Variants in ZNF107 observed in about 807,000 individuals in gnomAD.
ZNF107 encodes C2H2 type zinc-finger protein.
Under a neutral mutation model 12.3 loss-of-function variants are expected in ZNF107, and 19 were observed. That is an observed-to-expected ratio of 1.55 (90% confidence interval 1.08 to 2.27). The LOEUF (loss-of-function observed/expected upper bound fraction) is 2.27. ZNF107 is among the 30% of genes most tolerant of loss of function. ZNF107 has a pLI of 0.00. For missense variants in ZNF107, 958 were observed against 979.9 expected, an observed-to-expected ratio of 0.98 and a Z score of 0.30; for synonymous variants, 317 against 330.5, an observed-to-expected ratio of 0.96 and a Z score of 0.44.
chr7:64,691,326 T>G lies in ZNF107; in HGVS notation c.82T>G (p.Leu28Val). ...ATGCCTGGATACTGCACAGCGGGAT[T>G]TATATAGGAATGTGTTGTTAGAGAA... Reference protein sequence around the residue: ...WQCLDTAQRDLYRNVLLENYR... With the variant: ...WQCLDTAQRDVYRNVLLENYR... Residue 28 changes from leucine to valine, a missense_variant, in exon 2 of 4, where the codon TTA (leucine) becomes GTA (valine). Physicochemically the swap from Leu to Val is conservative, Grantham distance 32. Coordinates refer to ENST00000620827, the MANE Select transcript of ZNF107 (RefSeq NM_001282359.2). 3 of 1,541,430 alleles carry G rather than the reference T, an allele frequency of 1.9e-6. No individual in the cohort carries two copies. Among genetic ancestry groups the G allele is most frequent in the Non-Finnish European group, 2.6e-6 (3 of 1,146,078 alleles).
Position 64,690,355 on chromosome 7 carries a change from C to T in ZNF107, c.4-893C>T, listed in dbSNP as rs75361816. Reference sequence around the variant, plus strand: ...AGTAATATATAGGGTTTACTCCCAGCTGCAGTTCTGTTCAGATTCACCCTT... The same window carrying T: ...AGTAATATATAGGGTTTACTCCCAGTTGCAGTTCTGTTCAGATTCACCCTT... On this transcript the variant is annotated intron_variant, in intron 1 of 3. Transcript: ENST00000620827. 4,629 of 983,154 alleles carry T rather than the reference C, an allele frequency of 4.7e-3. 130 individuals carry two copies. The African/African-American group carries it at 0.069, about 15-fold the overall frequency. The allele number at this position is 983,154 out of a possible 1,614,324, so 60.9% of individuals were successfully genotyped here.
chr7:64,675,992 C>T (rs1316200154), intron 1 of ZNF107, among the ~76,000 whole-genome samples: 2 of 152,124 alleles, frequency 1.3e-5, no homozygotes, highest in South Asian at 2.1e-4. Context: ...GCTGGGATTA[C>T]AGGCATGCAC....
Position 64,666,305 on chromosome 7 carries a change from C to T in ZNF107, c.3+20C>T. 6.2e-7 allele frequency: 1 copy of T among 1,608,938 alleles called. No individual in the cohort carries two copies. The highest frequency in any genetic ancestry group is 8.5e-7 in the Non-Finnish European group (1 of 1,176,956). On this transcript the variant is annotated intron_variant, in intron 1 of 3. Transcript: ENST00000620827. ...GAAATGGTGAGAGTGCTGGGTCCGA[C>T]ATCCCGAGAGAGGGGGAGGGGCTGG... is the stretch of plus-strand genomic sequence containing the variant.
intron 1 of ZNF107, among the ~76,000 whole-genome samples, chr7:64,679,939 A>T (rs967213667): frequency 6.6e-6 from 1 of 151,948 alleles, no homozygotes; most frequent in African/African-American, 2.4e-5. Context: ...TGTCCCGCCC[A>T]TCTGCTCCCC....
intron 3 of ZNF107, among the ~76,000 whole-genome samples, chr7:64,696,833 A>G (rs1007894056): frequency 6.6e-6 from 1 of 151,872 alleles, no homozygotes; most frequent in East Asian, 1.9e-4. Flanking sequence ...TTTATTTTTT[A>G]TTATACTTTG....
chr7:64,708,673 A>T lies in ZNF107; in HGVS notation c.*17A>T. 1.3e-6 allele frequency: 2 copies of T among 1,577,412 alleles called. No individual in the cohort carries two copies. Among genetic ancestry groups the T allele is most frequent in the East Asian group, 2.3e-5 (1 of 44,356 alleles). ...AAAACTTAATTGATCCTACAAGCTT[A>T]CTACACATAGGAAAATTCATACTGG... On this transcript the variant is annotated 3_prime_UTR_variant, in exon 4 of 4. Transcript: ENST00000620827.
chr7:64,690,750 C>CT lies in ZNF107; in HGVS notation c.4-488dup, dbSNP rs951554940. ...CTTTTATCCTATACATTTTTTTATT[C>CT]TTTTTTTTTTGAGACAGAGTCTCAC... is the stretch of plus-strand genomic sequence containing the variant. On this transcript the variant is annotated intron_variant, in intron 1 of 3. Coordinates refer to ENST00000620827, the MANE Select transcript of ZNF107 (RefSeq NM_001282359.2). Among the ~76,000 whole-genome samples the CT allele has an allele frequency of 1.1e-3, 157 of 148,540 alleles. 1 individual carries two copies. Among genetic ancestry groups the CT allele is most frequent in the East Asian group, 2.4e-3 (12 of 5,090 alleles).
intron 3 of ZNF107, among the ~76,000 whole-genome samples, chr7:64,695,553 A>G (rs1305366539): frequency 6.6e-6 from 1 of 152,174 alleles, no homozygotes; most frequent in East Asian, 1.9e-4. Flanking sequence ...ATTTTAGATA[A>G]TTTGCAATTC....
intron 3 of ZNF107, among the ~76,000 whole-genome samples, chr7:64,693,165 A>ATTTTTT (rs34734604): frequency 1.0e-4 from 11 of 110,118 alleles, no homozygotes; most frequent in Non-Finnish European, 1.1e-4. Context: ...CACTCAGCTA[A>ATTTTTT]TTTTTTTTTT....
rs554630224 is a variant in ZNF107, at chr7:64,708,122, A to G, written c.2025A>G (p.Lys675=). 5 of 1,612,406 alleles carry G rather than the reference A, an allele frequency of 3.1e-6. No individual in the cohort carries two copies. The African/African-American group carries it at 6.7e-5, about 22-fold the overall frequency. ...TNHKIIYTGE[K]PHKCEECGKA... is the part of the protein sequence containing the mutation. ...ATAAGATAATTTATACTGGAGAGAA[A>G]CCCCACAAATGTGAAGAATGTGGAA... Residue 675 remains lysine, a synonymous_variant, in exon 4 of 4, where the codon AAA becomes AAG. Coordinates refer to ENST00000620827, the MANE Select transcript of ZNF107 (RefSeq NM_001282359.2).
intron 3 of ZNF107, among the ~76,000 whole-genome samples, chr7:64,693,872 T>G (rs926894886): frequency 7.2e-5 from 11 of 152,094 alleles, no homozygotes; most frequent in African/African-American, 2.7e-4. Context: ...CACTGCAACC[T>G]TTGCCTCCCG....
chr7:64,690,986 C>T (rs1790097933), intron 1 of ZNF107, among the ~76,000 whole-genome samples: 1 of 152,086 alleles, frequency 6.6e-6, no homozygotes, highest in African/African-American at 2.4e-5. Context: ...AGGTGATCCG[C>T]CTCTGCCTCC....
chr7:64,677,914 T>A (rs1214790879), intron 1 of ZNF107, among the ~76,000 whole-genome samples: 1 of 150,606 alleles, frequency 6.6e-6, no homozygotes, highest in African/African-American at 2.4e-5. Flanking sequence ...GAGACCTGTC[T>A]GTTGTAGGAG....
At chr7:64,688,599 C>T (rs1441838609) in intron 1 of ZNF107, among the ~76,000 whole-genome samples, 2 of 152,120 alleles carry the variant, frequency 1.3e-5, no homozygotes, top group Non-Finnish European at 2.9e-5. Flanking sequence ...GTGTGGATGA[C>T]ACCTACTGCT....
chr7:64,673,935 T>TTTGTTG (rs139064149), intron 1 of ZNF107, among the ~76,000 whole-genome samples: 2 of 151,946 alleles, frequency 1.3e-5, no homozygotes, highest in Admixed American at 6.6e-5. Flanking sequence ...TGGTCTGTTT[T>TTTGTTG]TTGTTGTTGT....
chr7:64,671,869 C>T (rs555920622), intron 1 of ZNF107, among the ~76,000 whole-genome samples: 27 of 149,964 alleles, frequency 1.8e-4, no homozygotes, highest in Non-Finnish European at 3.2e-4. Context: ...GCAAGCTCTG[C>T]CTCCCGGGTT....
At position 64,711,041 on chromosome 7, in the gene ZNF107, G is replaced by A. The variant is rs1790871805; in HGVS notation, c.*2385G>A. ...GTGTTTAAAAATTTTTGGATTATGC[G>A]TGAACTTAGTTTTTTAATTAAACTT... On this transcript the variant is annotated 3_prime_UTR_variant, in exon 4 of 4. Coordinates refer to ENST00000620827, the MANE Select transcript of ZNF107 (RefSeq NM_001282359.2). The A allele has an allele frequency of 6.6e-6, 1 of 152,084 alleles. No homozygotes were observed. The highest frequency in any genetic ancestry group is 1.5e-5 in the Non-Finnish European group (1 of 67,976). 9.4% of individuals were successfully genotyped at this position (152,084 alleles called of 1,614,324 possible).
Position 64,666,148 on chromosome 7 carries a change from T to A in ZNF107, c.-135T>A, listed in dbSNP as rs1326714175. The stretch of plus-strand genomic sequence containing the variant: ...ATTTGGCGGGGCCTTTGTCTCTGGC[T>A]GCAGCCGGAGCTCCTGCTCTCCTCC... On this transcript the variant is annotated 5_prime_UTR_variant, in exon 1 of 4. Transcript: ENST00000620827. The A allele has an allele frequency of 1.6e-6, 2 of 1,243,586 alleles. No individual in the cohort carries two copies. Among genetic ancestry groups the A allele is most frequent in the Non-Finnish European group, 2.3e-6 (2 of 871,172 alleles). The allele number at this position is 1,243,586 out of a possible 1,614,324, so 77.0% of individuals were successfully genotyped here.
rs757500520 is a variant in ZNF107 at position 64,706,931 on chromosome 7, T to C, written c.834T>C (p.Ile278=). ...QASHLTIHKI[I]HTGEKPYKYE... The stretch of plus-strand genomic sequence containing the variant: ...CACACCTTACTATACATAAAATAAT[T>C]CATACTGGAGAAAAACCTTACAAAT... Residue 278 remains isoleucine (I), a synonymous_variant, in exon 4 of 4, where the codon ATT becomes ATC. Transcript: ENST00000620827. 6.2e-7 allele frequency: 1 copy of C among 1,612,480 alleles called. No individual in the cohort carries two copies. The highest frequency in any genetic ancestry group is 1.3e-5 in the African/African-American group (1 of 74,894).
Sources: gnomAD v4.1 joint callset for allele counts (sites outside exome capture counted in the v4.1 genomes callset) on GRCh38, gnomAD v4.1.1 for gene constraint, MANE v1.5 for transcripts, NCBI Gene and HGNC (gene_info 2026-07-23, HGNC 2026-07-21) for gene names.